Variants in SRL observed in about 807,000 individuals in gnomAD.
SRL encodes sarcalumenin.
In SRL, 23 loss-of-function variants were observed where a neutral mutation model predicts 39.5. The ratio of observed to expected loss-of-function variants is 0.58; its 90% CI spans 0.42 to 0.82. SRL has a LOEUF of 0.82. Ranked by LOEUF, SRL falls within the 40% of genes least tolerant of loss-of-function variation. The probability of loss-of-function intolerance (pLI) is 0.00; values close to 1 mark genes in which losing one functional copy is unlikely to be tolerated. For missense variants in SRL, 592 were observed against 607.8 expected (o/e 0.97, Z 0.27); for synonymous variants, 272 against 237.4 (o/e 1.15, Z -1.34).
intron 1 of SRL, among the ~76,000 whole-genome samples, chr16:4,218,531 A>T (rs918670855): frequency 6.6e-6 from 1 of 152,100 alleles, no homozygotes. Flanking sequence ...TCTGGCCTCC[A>T]ATATACAGCG....
In SRL at chr16:4,203,008, G is replaced by T. The variant is rs1487393962; in HGVS notation, c.259+158C>A. Among the ~76,000 whole-genome samples the T allele has an allele frequency of 2.0e-5, 3 of 152,246 alleles. No homozygotes were observed. The East Asian group carries it at 5.8e-4, about 29-fold the overall frequency. On this transcript the variant is annotated intron_variant, in intron 3 of 5. Transcript: ENST00000399609. ...TCGTCCTTTCCAACTCCCAGGGGGA[G>T]CCCAGACCCAGACCCACAAGTCCTT...
intron 1 of SRL, among the ~76,000 whole-genome samples, chr16:4,238,551 G>C (rs1333598183): frequency 6.6e-6 from 1 of 152,112 alleles, no homozygotes; most frequent in South Asian, 2.1e-4. Context: ...GACCTTCACT[G>C]TAATACCTGG....
chr16:4,193,191 C>T (rs1382481060), intron 5 of SRL, among the ~76,000 whole-genome samples: 3 of 152,144 alleles, frequency 2.0e-5, no homozygotes, highest in African/African-American at 7.2e-5. Context: ...TTTTTTGAGA[C>T]AGGGTCTCAC....
intron 1 of SRL, chr16:4,208,124 T>C (rs201493517): frequency 1.2e-5 from 5 of 426,418 alleles, no homozygotes; most frequent in East Asian, 7.0e-5. Flanking sequence ...TAGAACATGA[T>C]TGGTCAGTTT....
intron 1 of SRL, among the ~76,000 whole-genome samples, chr16:4,218,809 G>C (rs1182677342): frequency 2.0e-5 from 3 of 152,238 alleles, no homozygotes; most frequent in African/African-American, 7.2e-5. Flanking sequence ...CGGTTCCCAA[G>C]TCTACGCAGA....
At chr16:4,229,219 G>C (rs940706750) in intron 1 of SRL, among the ~76,000 whole-genome samples, 3 of 152,050 alleles carry the variant, frequency 2.0e-5, no homozygotes, top group Non-Finnish European at 4.4e-5. Context: ...CGAGGCGGGT[G>C]GATCACAAGG....
chr16:4,216,822 AGGCAGGTGGCT>A (rs1456991128), intron 1 of SRL, among the ~76,000 whole-genome samples: 2 of 152,140 alleles, frequency 1.3e-5, no homozygotes, highest in African/African-American at 4.8e-5. Flanking sequence ...AGACAGACCA[AGGCAGGTGGCT>A]GGCTTCCCCC....
intron 1 of SRL, among the ~76,000 whole-genome samples, chr16:4,219,534 A>ACGTCCAC (rs2052497662): frequency 6.6e-6 from 1 of 152,168 alleles, no homozygotes; most frequent in Non-Finnish European, 1.5e-5. Context: ...GCTCACTGCA[A>ACGTCCAC]CGTCCACCTC....
chr16:4,207,362 C>T (rs1360197997), intron 1 of SRL: 13 of 456,672 alleles, frequency 2.8e-5, no homozygotes, highest in Non-Finnish European at 5.7e-5. Flanking sequence ...GGCCGGGCTC[C>T]CCCTGGTCCT....
chr16:4,206,817 T>A (rs752700076), intron 1 of SRL: 3 of 456,754 alleles, frequency 6.6e-6, no homozygotes, highest in Non-Finnish European at 1.3e-5. Context: ...GCCCATGGAC[T>A]CTGTATTCAA....
At chr16:4,204,818 T>C (rs564710428) in intron 1 of SRL, among the ~76,000 whole-genome samples, 184 bp from the exon 2 acceptor site, 1 of 152,258 alleles carries the variant, frequency 6.6e-6, no homozygotes, top group African/African-American at 2.4e-5. Context: ...AAGTTCCATG[T>C]GTAGTGTATT....
intron 1 of SRL, chr16:4,208,030 C>A (rs568175682): frequency 2.2e-6 from 1 of 456,524 alleles, no homozygotes; most frequent in African/African-American, 2.0e-5. Context: ...TCTAGACTTG[C>A]GTCTCCAGCA....
intron 1 of SRL, among the ~76,000 whole-genome samples, chr16:4,225,330 C>A (rs985858009): frequency 5.9e-5 from 9 of 152,116 alleles, no homozygotes; most frequent in African/African-American, 9.7e-5. Context: ...CCCCTGTAAT[C>A]CCAGCACTCG....
chr16:4,235,916 G>A (rs528771341), intron 1 of SRL, among the ~76,000 whole-genome samples: 18 of 151,906 alleles, frequency 1.2e-4, no homozygotes, highest in East Asian at 9.8e-4. Context: ...GAGAAACTCC[G>A]CCTCTACTAA....
At chr16:4,206,924 G>A (rs991179377) in intron 1 of SRL, 1 of 456,246 alleles carries the variant, frequency 2.2e-6, no homozygotes, top group Non-Finnish European at 4.4e-6. Context: ...TGGCTTCCTG[G>A]GGCTCCCTGG....
intron 1 of SRL, among the ~76,000 whole-genome samples, chr16:4,236,265 G>C (rs1319612482): frequency 6.6e-6 from 1 of 152,078 alleles, no homozygotes; most frequent in Non-Finnish European, 1.5e-5. Context: ...GTGACCTCCT[G>C]GTTGTCAGAA....
intron 1 of SRL, among the ~76,000 whole-genome samples, chr16:4,205,501 G>A (rs943874844): frequency 1.3e-5 from 2 of 152,200 alleles, no homozygotes; most frequent in African/African-American, 4.8e-5. Flanking sequence ...GCTAAGTGCG[G>A]CTCAGGAGTG....
chr16:4,229,636 G>C (rs535270169), intron 1 of SRL, among the ~76,000 whole-genome samples: 2 of 152,000 alleles, frequency 1.3e-5, no homozygotes, highest in South Asian at 2.1e-4. Context: ...CTAGATGGGG[G>C]AGTGAGAAAG....
chr16:4,229,122 C>G (rs1447883228), intron 1 of SRL, among the ~76,000 whole-genome samples: 1 of 152,008 alleles, frequency 6.6e-6, no homozygotes, highest in East Asian at 1.9e-4. Flanking sequence ...TGTGGTACAT[C>G]TACACCATGG....
Sources: allele counts gnomAD v4.1 joint callset (sites outside exome capture counted in the v4.1 genomes callset), GRCh38; gene constraint gnomAD v4.1.1; transcripts MANE v1.5; gene names NCBI Gene and HGNC (gene_info 2026-07-23, HGNC 2026-07-21).